PRR27: variants seen among roughly 807,000 people sequenced by gnomAD.
PRR27 encodes proline-rich protein 27.
Under a neutral mutation model 16.8 loss-of-function variants are expected in PRR27, and 12 were observed. That is an observed-to-expected ratio of 0.71 (90% CI 0.46 to 1.16). The LOEUF is 1.16. PRR27 is among the 50% of genes most tolerant of loss of function. The pLI is 0.00. For missense variants in PRR27, 277 were observed against 273.3 expected, an observed-to-expected ratio of 1.01 and a Z score of -0.10; for synonymous variants, 100 against 98.4, an observed-to-expected ratio of 1.02 and a Z score of -0.10.
rs752532519 is a variant in PRR27 at position 70,158,603 on chromosome 4, T to C, written c.351T>C (p.Phe117=). Residue 117 remains phenylalanine (F), a synonymous_variant, in exon 3 of 5, where the codon TTT becomes TTC. Coordinates refer to ENST00000344526, the MANE Select transcript of PRR27 (RefSeq NM_214711.4). ...RGFPFVPPSR[F]FSAAAAPAAP... is the part of the protein sequence containing the mutation. ...TCCCGTTTGTCCCTCCTTCAAGGTT[T>C]TTTTCAGCAGCTGCAGCACCCGCTG... 30 of 1,614,118 alleles carry C rather than the reference T, an allele frequency of 1.9e-5. No homozygotes were observed. Among genetic ancestry groups the C allele is most frequent in the Non-Finnish European group, 2.5e-5 (29 of 1,180,016 alleles).
intron 3 of PRR27, among the ~76,000 whole-genome samples, chr4:70,160,443 C>CTCTG (rs1298386504): frequency 4.8e-4 from 33 of 68,704 alleles, no homozygotes; most frequent in Admixed American, 3.5e-3. Context: ...CTCTCTCTCT[C>CTCTG]TGTGTGTGTG....
In PRR27 at chr4:70,161,613, T is replaced by A; in HGVS notation, c.*16T>A. On this transcript the variant is annotated 3_prime_UTR_variant, in exon 4 of 5. Coordinates refer to ENST00000344526, the MANE Select transcript of PRR27 (RefSeq NM_214711.4). ...AAATCAGTGAAATTCTCTAGAAGAG[T>A]ACCATGGGTTCATTTCTGTAAGTCA... The A allele has an allele frequency of 1.3e-6, 2 of 1,494,194 alleles. No individual in the cohort carries two copies. Among genetic ancestry groups the A allele is most frequent in the East Asian group, 4.6e-5 (2 of 43,166 alleles). 92.6% of individuals were successfully genotyped at this position (1,494,194 alleles called of 1,614,324 possible). A position where few individuals can be genotyped will look rare whatever the true frequency, so the allele number is the denominator to read the frequency against.
In PRR27 at chr4:70,165,348, A is replaced by G. The variant is rs1728739706; in HGVS notation, c.*2687A>G. ...TACATACAAGTTTGTATTATCATAAATAATCCAAAAGAAAACATACATGTA... is the reference window on the plus strand; with the variant it reads ...TACATACAAGTTTGTATTATCATAAGTAATCCAAAAGAAAACATACATGTA... On this transcript the variant is annotated 3_prime_UTR_variant, in exon 5 of 5. Transcript: ENST00000344526. 6.6e-6 allele frequency: 1 copy of G among 152,114 alleles called. No individual in the cohort carries two copies. Among genetic ancestry groups the G allele is most frequent in the African/African-American group, 2.4e-5 (1 of 41,456 alleles). The allele number at this position is 152,114 out of a possible 1,614,324, so 9.4% of individuals were successfully genotyped here. A position where few individuals can be genotyped will look rare whatever the true frequency, so the allele number is the denominator to read the frequency against.
intron 2 of PRR27, among the ~76,000 whole-genome samples, chr4:70,157,560 C>T (rs180989948): frequency 7.0e-4 from 107 of 151,942 alleles, no homozygotes; most frequent in East Asian, 6.6e-3. Context: ...CACTCTGTTG[C>T]CAGGCTGGAG....
rs913379086 is a variant in PRR27, at chr4:70,164,184, T to C, written c.*1523T>C. 4 of 152,116 alleles carry C rather than the reference T, an allele frequency of 2.6e-5. No individual in the cohort carries two copies. Among genetic ancestry groups the C allele is most frequent in the African/African-American group, 9.7e-5 (4 of 41,426 alleles). The allele number at this position is 152,116 out of a possible 1,614,324, so 9.4% of individuals were successfully genotyped here. ...ATCTTATCTCCACAAAAATATATGC[T>C]CCATAAAAACAGGCATTTCTGTGTC... On this transcript the variant is annotated 3_prime_UTR_variant, in exon 5 of 5. Transcript: ENST00000344526.
chr4:70,155,527 C>T (rs1047895097), intron 1 of PRR27, among the ~76,000 whole-genome samples: 15 of 152,090 alleles, frequency 9.9e-5, no homozygotes, highest in Non-Finnish European at 1.8e-4. Context: ...CGCCACCACG[C>T]CCGGCTAATT....
rs1728677958 is a variant in PRR27, at chr4:70,162,829, T to C, written c.*168T>C. On this transcript the variant is annotated 3_prime_UTR_variant, in exon 5 of 5. Transcript: ENST00000344526. ...GTAGTTTTTCCTTGGACTTAATTTA[T>C]ATTGAAAAAACATTGATAATTAAAT... 1 of 152,158 alleles carries C rather than the reference T, an allele frequency of 6.6e-6. No homozygotes were observed. Among genetic ancestry groups the C allele is most frequent in the African/African-American group, 2.4e-5 (1 of 41,426 alleles). 9.4% of individuals were successfully genotyped at this position (152,158 alleles called of 1,614,324 possible). A position where few individuals can be genotyped will look rare whatever the true frequency, so the allele number is the denominator to read the frequency against.
chr4:70,160,443 CTGTGTGTG>C (rs71210150), intron 3 of PRR27, among the ~76,000 whole-genome samples: 5 of 68,678 alleles, frequency 7.3e-5, no homozygotes, highest in African/African-American at 2.5e-4. Context: ...CTCTCTCTCT[CTGTGTGTG>C]TGTGTGTGTG....
rs541364003 is a variant in PRR27, at chr4:70,154,789, G to C, written c.51+363G>C. On this transcript the variant is annotated intron_variant, in intron 1 of 4. Coordinates refer to ENST00000344526, the MANE Select transcript of PRR27 (RefSeq NM_214711.4). ...CTATGGCTGTGAAGTGCCATTGCTG[G>C]AGGTATTTATGTACAGACATTAGGG... 101 of 1,304,278 alleles carry C rather than the reference G, an allele frequency of 7.7e-5. No homozygotes were observed. The African/African-American group carries it at 1.4e-3, about 18-fold the overall frequency. The allele number at this position is 1,304,278 out of a possible 1,614,324, so 80.8% of individuals were successfully genotyped here. A position where few individuals can be genotyped will look rare whatever the true frequency, so the allele number is the denominator to read the frequency against.
chr4:70,160,443 C>CTGTGTGTGTGTGTGTGTGTG (rs71210150), intron 3 of PRR27, among the ~76,000 whole-genome samples: 23 of 68,702 alleles, frequency 3.3e-4, no homozygotes, highest in African/African-American at 1.1e-3. Context: ...CTCTCTCTCT[C>CTGTGTGTGTGTGTGTGTGTG]TGTGTGTGTG....
In PRR27 at chr4:70,162,906, C is replaced by T. The variant is rs548066296; in HGVS notation, c.*245C>T. 16 of 152,202 alleles carry T rather than the reference C, an allele frequency of 1.1e-4. No individual in the cohort carries two copies. The highest frequency in any genetic ancestry group is 3.9e-4 in the East Asian group (2 of 5,186). The allele number at this position is 152,202 out of a possible 1,614,324, so 9.4% of individuals were successfully genotyped here. Reference sequence around the variant, plus strand: ...GGTGATAAGGTCTGGATGAAAACTACGCTATGGAGGACTGAAATGGCAATC... The same window carrying T: ...GGTGATAAGGTCTGGATGAAAACTATGCTATGGAGGACTGAAATGGCAATC... On this transcript the variant is annotated 3_prime_UTR_variant, in exon 5 of 5. Coordinates refer to ENST00000344526, the MANE Select transcript of PRR27 (RefSeq NM_214711.4).
In PRR27 at chr4:70,165,802, A is replaced by T; in HGVS notation, c.*3141A>T. Reference sequence around the variant, plus strand: ...CAGTGCTACTTTCTACAGACAGGTAACTATTCGCATTTACGATTAAGAAAT... The same window carrying T: ...CAGTGCTACTTTCTACAGACAGGTATCTATTCGCATTTACGATTAAGAAAT... On this transcript the variant is annotated 3_prime_UTR_variant, in exon 5 of 5. Transcript: ENST00000344526. The T allele has an allele frequency of 6.6e-6, 1 of 152,140 alleles. No individual in the cohort carries two copies. Among genetic ancestry groups the T allele is most frequent in the East Asian group, 1.9e-4 (1 of 5,198 alleles). 9.4% of individuals were successfully genotyped at this position (152,140 alleles called of 1,614,324 possible).
In PRR27 at chr4:70,161,605, T is replaced by C. The variant is rs765858860; in HGVS notation, c.*8T>C. ...TTCTAGGCAAATCAGTGAAATTCTC[T>C]AGAAGAGTACCATGGGTTCATTTCT... is the stretch of plus-strand genomic sequence containing the variant. On this transcript the variant is annotated 3_prime_UTR_variant, in exon 4 of 5. Transcript: ENST00000344526. 3 of 1,508,040 alleles carry C rather than the reference T, an allele frequency of 2.0e-6. No homozygotes were observed. The highest frequency in any genetic ancestry group is 2.4e-5 in the South Asian group (2 of 83,602). The allele number at this position is 1,508,040 out of a possible 1,614,324, so 93.4% of individuals were successfully genotyped here. A position where few individuals can be genotyped will look rare whatever the true frequency, so the allele number is the denominator to read the frequency against.
intron 2 of PRR27, among the ~76,000 whole-genome samples, chr4:70,157,334 C>T (rs866767803): frequency 6.6e-6 from 1 of 151,636 alleles, no homozygotes; most frequent in African/African-American, 2.4e-5. Flanking sequence ...ACATTTTATA[C>T]TTTTAAAAAT....
chr4:70,154,812 G>A, intron 1 of PRR27: 1 of 1,274,744 alleles, frequency 7.8e-7, no homozygotes, highest in Non-Finnish European at 1.0e-6. Context: ...ACAGACATTA[G>A]GGATACTTGA....
rs2109791469 is a variant in PRR27, at chr4:70,158,328, G to T, written c.76G>T (p.Asp26Tyr). 6.3e-7 allele frequency: 1 copy of T among 1,595,794 alleles called. No homozygotes were observed. The highest frequency in any genetic ancestry group is 2.2e-5 in the East Asian group (1 of 44,452). ...TTCGACTTCTTTGTTTCTCCTTTAGGATGACAATGACGATGGTCACCCACT... is the reference window on the plus strand; with the variant it reads ...TTCGACTTCTTTGTTTCTCCTTTAGTATGACAATGACGATGGTCACCCACT... ...RKRRFPFIGE[D>Y]DNDDGHPLHP... The change falls in exon 3 of 5, where the codon GAT becomes TAT. Residue 26 changes from aspartate (D) to tyrosine (Y), a missense_variant and splice_region_variant. Coordinates refer to ENST00000344526, the MANE Select transcript of PRR27 (RefSeq NM_214711.4).
chr4:70,162,409 C>G (rs1728669434), intron 4 of PRR27, among the ~76,000 whole-genome samples: 1 of 152,160 alleles, frequency 6.6e-6, no homozygotes, highest in South Asian at 2.1e-4. Flanking sequence ...TTTAGTTAAA[C>G]CTTGACTATT....
intron 2 of PRR27, among the ~76,000 whole-genome samples, chr4:70,157,280 A>G (rs896434318): frequency 3.3e-5 from 5 of 152,018 alleles, no homozygotes; most frequent in African/African-American, 1.2e-4. Context: ...TCTGTTTTCC[A>G]GTATGTAGGA....
At chr4:70,160,063 G>T (rs1197030075) in intron 3 of PRR27, among the ~76,000 whole-genome samples, 4 of 152,036 alleles carry the variant, frequency 2.6e-5, no homozygotes, top group Non-Finnish European at 5.9e-5. Context: ...TAGATACAGG[G>T]ATTACATGGG....
Sources: gnomAD v4.1 joint callset for allele counts (sites outside exome capture counted in the v4.1 genomes callset) on GRCh38, gnomAD v4.1.1 for gene constraint, MANE v1.5 for transcripts, NCBI Gene and HGNC (gene_info 2026-07-23, HGNC 2026-07-21) for gene names.